Variants in GRM8 observed in about 807,000 individuals in gnomAD.
GRM8 encodes the protein glutamate metabotropic receptor 8.
GRM8 carries 47 observed loss-of-function variants against 87.2 expected under a neutral mutation model. That is an observed-to-expected ratio of 0.54 (90% CI 0.43 to 0.69). GRM8 has a LOEUF of 0.69. Ranked by LOEUF, GRM8 falls within the 30% of genes least tolerant of loss-of-function variation. The pLI, the probability that GRM8 is intolerant of heterozygous loss-of-function variation, is 0.00. For synonymous variants in GRM8, 396 were observed against 404.5 expected, an observed-to-expected ratio of 0.98 and a Z score of 0.25; for missense variants, 1,019 against 1,139.2, an observed-to-expected ratio of 0.89 and a Z score of 1.52.
intron 7 of GRM8, among the ~76,000 whole-genome samples, chr7:126,627,239 A>G (rs1446127116): frequency 2.6e-5 from 4 of 152,164 alleles, no homozygotes; most frequent in Admixed American, 2.6e-4. Flanking sequence ...CCCTCACAGG[A>G]TATTTGGCAC....
At chr7:126,723,190 C>G (rs978144156) in intron 7 of GRM8, among the ~76,000 whole-genome samples, 31 of 151,718 alleles carry the variant, frequency 2.0e-4, no homozygotes, top group Admixed American at 2.0e-3. Flanking sequence ...TAGATGAAAG[C>G]AGATCTAACT....
intron 2 of GRM8, among the ~76,000 whole-genome samples, chr7:127,188,232 G>T (rs1391992898): frequency 6.6e-6 from 1 of 152,136 alleles, no homozygotes; most frequent in African/African-American, 2.4e-5. Flanking sequence ...TGAAACACAG[G>T]TTAATACATG....
chr7:127,032,442 C>T (rs1047768898), intron 3 of GRM8, among the ~76,000 whole-genome samples: 4 of 152,136 alleles, frequency 2.6e-5, no homozygotes, highest in African/African-American at 9.7e-5. Flanking sequence ...TCCACACCCC[C>T]ATCAGGTCAC....
Position 127,242,731 on chromosome 7 carries a change from C to T in GRM8, c.474G>A (p.Val158=), listed in dbSNP as rs751333534. 4.3e-6 allele frequency: 7 copies of T among 1,614,198 alleles called. No individual in the cohort carries two copies. The Middle Eastern group carries it at 4.9e-4, about 114-fold the overall frequency. ...SGVIGAAASS[V]SIMVANILRL... is the part of the protein sequence containing the mutation. ...TTAAAATGTTAGCAACCATGATGGA[C>T]ACGGAGCTTGCTGCAGCACCTATGA... The change falls in exon 2 of 11, where the codon GTG becomes GTA. Residue 158 remains valine (V), a synonymous_variant. Coordinates refer to ENST00000339582, the MANE Select transcript of GRM8 (RefSeq NM_000845.3).
chr7:126,775,755 A>G (rs1819400728), intron 6 of GRM8, among the ~76,000 whole-genome samples: 1 of 152,096 alleles, frequency 6.6e-6, no homozygotes, highest in Non-Finnish European at 1.5e-5. Context: ...TCCAGGTCCC[A>G]GCTGGACAGC....
At chr7:126,866,552 A>G (rs1394514601) in intron 6 of GRM8, among the ~76,000 whole-genome samples, 3 of 133,974 alleles carry the variant, frequency 2.2e-5, no homozygotes, top group African/African-American at 8.4e-5. Flanking sequence ...CAGATCTTAC[A>G]TTCAAGTCTT....
intron 2 of GRM8, among the ~76,000 whole-genome samples, chr7:127,163,959 G>T (rs1257848402): frequency 2.6e-5 from 4 of 152,110 alleles, no homozygotes; most frequent in Non-Finnish European, 5.9e-5. Context: ...TTGGATAATT[G>T]TCCCTACCCA....
At chr7:126,586,266 T>G (rs1228813925) in intron 8 of GRM8, among the ~76,000 whole-genome samples, 1 of 152,100 alleles carries the variant, frequency 6.6e-6, no homozygotes, top group Middle Eastern at 3.2e-3. Flanking sequence ...CCAAGGTAAT[T>G]TATAGATTTA....
chr7:126,967,998 T>C (rs937588440), intron 3 of GRM8, among the ~76,000 whole-genome samples: 1 of 152,196 alleles, frequency 6.6e-6, no homozygotes, highest in African/African-American at 2.4e-5. Context: ...TAAATATTCA[T>C]GCAGAGTTAA....
At position 126,654,498 on chromosome 7, in the gene GRM8, A is replaced by G. The variant is rs536819220; in HGVS notation, c.1358-45000T>C. On this transcript the variant is annotated intron_variant, in intron 7 of 10. Transcript: ENST00000339582. ...AGGTAAGCGACAACATTTGCAAAGG[A>G]CAATGTAAGGTTCATTTTCTTCTAG... Among the ~76,000 whole-genome samples the G allele has an allele frequency of 1.7e-3, 256 of 152,322 alleles. 3 individuals carry two copies. The highest frequency in any genetic ancestry group is 0.015 in the Admixed American group (233 of 15,290).
At chr7:127,249,526 T>C (rs1418235081) in intron 1 of GRM8, among the ~76,000 whole-genome samples, 2 of 152,108 alleles carry the variant, frequency 1.3e-5, no homozygotes, top group Non-Finnish European at 2.9e-5. Flanking sequence ...TCTCAAATCA[T>C]TCCAACAGCA....
intron 3 of GRM8, among the ~76,000 whole-genome samples, chr7:126,962,873 C>G (rs1344902046): frequency 6.6e-6 from 1 of 152,174 alleles, no homozygotes; most frequent in Non-Finnish European, 1.5e-5. Flanking sequence ...AAGTTTTGTG[C>G]TTAGTACTCA....
At chr7:127,060,645 A>G (rs1365581168) in intron 3 of GRM8, among the ~76,000 whole-genome samples, 2 of 152,174 alleles carry the variant, frequency 1.3e-5, no homozygotes, top group Non-Finnish European at 2.9e-5. Flanking sequence ...ACTTCTTAAG[A>G]TTTGTTTCTT....
intron 7 of GRM8, 39 bp from the exon 8 acceptor site, chr7:126,609,537 T>A: frequency 6.5e-7 from 1 of 1,533,674 alleles, no homozygotes; most frequent in Non-Finnish European, 9.0e-7. Flanking sequence ...AAAGTTTTAG[T>A]AAGATAGCCC....
intron 3 of GRM8, among the ~76,000 whole-genome samples, chr7:126,996,867 C>A (rs545010356): frequency 1.3e-5 from 2 of 151,910 alleles, no homozygotes; most frequent in Non-Finnish European, 2.9e-5. Context: ...ATCCCACTTT[C>A]AACATTGTTG....
chr7:126,763,724 T>C, intron 7 of GRM8, among the ~76,000 whole-genome samples: 1 of 151,784 alleles, frequency 6.6e-6, no homozygotes, highest in South Asian at 2.1e-4. Flanking sequence ...AAAATCACTC[T>C]AGTTATTTTT....
At chr7:126,467,889 A>C (rs1280536824) in intron 9 of GRM8, among the ~76,000 whole-genome samples, 2 of 152,052 alleles carry the variant, frequency 1.3e-5, no homozygotes, top group Non-Finnish European at 2.9e-5. Flanking sequence ...ACTTCCATTT[A>C]CCATTCTCAG....
chr7:127,205,925 A>G (rs1458475182), intron 2 of GRM8, among the ~76,000 whole-genome samples: 1 of 152,106 alleles, frequency 6.6e-6, no homozygotes, highest in African/African-American at 2.4e-5. Context: ...AGAAATGTAT[A>G]TGACCATTAT....
intron 9 of GRM8, among the ~76,000 whole-genome samples, chr7:126,514,085 G>A (rs1014345461): frequency 2.6e-5 from 4 of 152,098 alleles, no homozygotes; most frequent in Admixed American, 6.6e-5. Context: ...CAAGCACAGT[G>A]CTGGGTACAG....
Sources: gnomAD v4.1 joint callset for allele counts (sites outside exome capture counted in the v4.1 genomes callset) on GRCh38, gnomAD v4.1.1 for gene constraint, MANE v1.5 for transcripts, NCBI Gene and HGNC (gene_info 2026-07-23, HGNC 2026-07-21) for gene names.